The following ZNF609 variants were observed in gnomAD, a reference collection of about 807,000 sequenced individuals.
ZNF609 encodes zinc finger protein 609.
In ZNF609, 11 loss-of-function variants were observed where a neutral mutation model predicts 109.5. That is an observed-to-expected ratio of 0.10 (90% CI 0.06 to 0.17). The LOEUF is 0.17. Among genes scored for constraint, ZNF609 ranks in the 10% least tolerant of loss-of-function variants. ZNF609 has a pLI of 1.00. For missense variants in ZNF609, 1,559 were observed against 1,772.4 expected (o/e 0.88, Z 2.16); for synonymous variants, 646 against 662.0 (o/e 0.98, Z 0.37).
intron 2 of ZNF609, among the ~76,000 whole-genome samples, chr15:64,592,201 G>A (rs1320270857): frequency 1.3e-5 from 2 of 152,022 alleles, no homozygotes; most frequent in Non-Finnish European, 2.9e-5. Context: ...TCTCAGCCTT[G>A]TTTATACAAG....
chr15:64,613,065 T>G (rs1483977201), intron 2 of ZNF609, among the ~76,000 whole-genome samples: 4 of 152,134 alleles, frequency 2.6e-5, no homozygotes, highest in Non-Finnish European at 5.9e-5. Flanking sequence ...GTCACACCTG[T>G]AATCCCAGCA....
intron 1 of ZNF609, among the ~76,000 whole-genome samples, chr15:64,491,703 C>T (rs557567576): frequency 7.9e-5 from 12 of 152,002 alleles, no homozygotes; most frequent in South Asian, 4.2e-4. Flanking sequence ...AAAAATTAGC[C>T]GAGTATGGTG....
intron 2 of ZNF609, among the ~76,000 whole-genome samples, chr15:64,531,311 G>T (rs1423750997): frequency 6.6e-6 from 1 of 152,144 alleles, no homozygotes; most frequent in Admixed American, 6.5e-5. Context: ...CCTATGAACT[G>T]CCCAGAGGAT....
chr15:64,560,996 G>A (rs1894668905), intron 2 of ZNF609, among the ~76,000 whole-genome samples: 1 of 152,004 alleles, frequency 6.6e-6, no homozygotes, highest in Non-Finnish European at 1.5e-5. Flanking sequence ...TGTTACCAAG[G>A]CCCCAAATTT....
chr15:64,555,886 C>CAAAAAAAAAAAAAA (rs963732035), intron 2 of ZNF609, among the ~76,000 whole-genome samples: 2 of 38,936 alleles, frequency 5.1e-5, no homozygotes, highest in Non-Finnish European at 1.0e-4. Flanking sequence ...GACTCTGTCT[C>CAAAAAAAAAAAAAA]AAAAAAAAAA....
intron 1 of ZNF609, among the ~76,000 whole-genome samples, chr15:64,482,573 A>G (rs777507749): frequency 4.1e-5 from 6 of 146,902 alleles, no homozygotes; most frequent in Non-Finnish European, 7.6e-5. Context: ...GGTTCTGTCC[A>G]TAAGAAGGGT....
In ZNF609 at chr15:64,675,813, G is replaced by T; in HGVS notation, c.2959G>T (p.Asp987Tyr). 6.2e-7 allele frequency: 1 copy of T among 1,614,140 alleles called. No homozygotes were observed. Among genetic ancestry groups the T allele is most frequent in the South Asian group, 1.1e-5 (1 of 91,064 alleles). Residue 987 changes from aspartate (D) to tyrosine (Y), a missense_variant, in exon 5 of 10, where the codon GAC (aspartate) becomes TAC (tyrosine). This residue lies in a region of ZNF609 where 1,204 missense variants were observed against 1,314.1 expected (regional missense o/e 0.92). Transcript: ENST00000326648. ...YAYVPPYGYS[D>Y]QSYHTHLLST... ...CTATGTACCCCCCTATGGCTACAGC[G>T]ACCAGAGTTACCACACCCACCTTCT...
rs552467426 is a variant in ZNF609, at chr15:64,462,159, G to A, written c.-128+1321G>A. The stretch of plus-strand genomic sequence containing the variant: ...TTTTCCAGACTGGGGCTTGCCATTG[G>A]AGGAGGCCAGAGAGAAAGGCTCTTC... On this transcript the variant is annotated intron_variant, in intron 1 of 9. Coordinates refer to ENST00000326648, the MANE Select transcript of ZNF609 (RefSeq NM_015042.2). 9.2e-5 allele frequency among the ~76,000 whole-genome samples: 14 copies of A among 152,288 alleles called. No homozygotes were observed. The South Asian group carries it at 2.5e-3, about 27-fold the overall frequency.
intron 2 of ZNF609, among the ~76,000 whole-genome samples, chr15:64,522,953 C>T (rs1893914189): frequency 7.3e-6 from 1 of 137,898 alleles, no homozygotes; most frequent in Admixed American, 8.1e-5. Flanking sequence ...TTAGATTTAA[C>T]TTTTAATACA....
intron 1 of ZNF609, among the ~76,000 whole-genome samples, chr15:64,493,354 ATGGT>A (rs1893440363): frequency 2.0e-5 from 3 of 152,194 alleles, no homozygotes; most frequent in Non-Finnish European, 4.4e-5. Flanking sequence ...GAAGAGTTGT[ATGGT>A]CTGTGACATA....
chr15:64,650,337 A>G (rs536305860), intron 3 of ZNF609, among the ~76,000 whole-genome samples: 7 of 151,104 alleles, frequency 4.6e-5, no homozygotes, highest in Non-Finnish European at 1.0e-4. Flanking sequence ...GAATTGCTTG[A>G]ACCCAGGAGG....
chr15:64,658,389 G>T (rs1415194473), intron 3 of ZNF609, among the ~76,000 whole-genome samples: 1 of 152,050 alleles, frequency 6.6e-6, no homozygotes, highest in Admixed American at 6.6e-5. Flanking sequence ...TAGATATGGG[G>T]TTTCCCCATG....
intron 2 of ZNF609, among the ~76,000 whole-genome samples, chr15:64,531,445 G>A (rs1894059561): frequency 6.6e-6 from 1 of 152,130 alleles, no homozygotes; most frequent in Non-Finnish European, 1.5e-5. Flanking sequence ...CACCCAGGCT[G>A]CAGTGCAGTG....
At chr15:64,509,701 T>G (rs1443216843) in intron 2 of ZNF609, among the ~76,000 whole-genome samples, 1 of 152,232 alleles carries the variant, frequency 6.6e-6, no homozygotes, top group Non-Finnish European at 1.5e-5. Flanking sequence ...GATCTCAGGT[T>G]GAGAACCATG....
intron 2 of ZNF609, chr15:64,500,438 T>C (rs962061339): frequency 1.3e-5 from 9 of 683,388 alleles, no homozygotes; most frequent in Non-Finnish European, 2.4e-5. Flanking sequence ...GTAGTCTGAG[T>C]TGAGACCTTC....
At chr15:64,621,051 A>C (rs1376692498) in intron 2 of ZNF609, among the ~76,000 whole-genome samples, 1 of 152,228 alleles carries the variant, frequency 6.6e-6, no homozygotes, top group Admixed American at 6.5e-5. Context: ...GACCTAGACT[A>C]AGAAGTCCTC....
At chr15:64,627,663 C>CTTTTTTTTTTTTTTTTTTTTTTTTT (rs35293725) in intron 3 of ZNF609, among the ~76,000 whole-genome samples, 14 of 86,016 alleles carry the variant, frequency 1.6e-4, no homozygotes, top group Non-Finnish European at 2.8e-4. Context: ...TTTTTTCTTT[C>CTTTTTTTTTTTTTTTTTTTTTTTTT]TTTTTTTTTT....
rs564733490 is a variant in ZNF609, at chr15:64,672,692, G to A, written c.1062-1224G>A. 9.3e-5 allele frequency among the ~76,000 whole-genome samples: 14 copies of A among 150,916 alleles called. No individual in the cohort carries two copies. In the South Asian group the frequency reaches 2.9e-3, roughly 32 times the overall value. On this transcript the variant is annotated intron_variant, in intron 4 of 9. Transcript: ENST00000326648. Reference sequence around the variant, plus strand: ...GATAAGAATCAGAAGCAGGCCAGGTGCAGTGGCTCACGCCTGTAATCTCAG... The same window carrying A: ...GATAAGAATCAGAAGCAGGCCAGGTACAGTGGCTCACGCCTGTAATCTCAG...
chr15:64,667,022 C>T (rs1256643814), intron 3 of ZNF609, among the ~76,000 whole-genome samples: 2 of 152,094 alleles, frequency 1.3e-5, no homozygotes, highest in East Asian at 1.9e-4. Context: ...CCCAGCTACT[C>T]GGGGGGCTGA....
Sources: allele counts gnomAD v4.1 joint callset (sites outside exome capture counted in the v4.1 genomes callset), GRCh38; gene constraint gnomAD v4.1.1; regional missense constraint gnomAD v4.1.1; transcripts MANE v1.5; gene names NCBI Gene and HGNC (gene_info 2026-07-23, HGNC 2026-07-21).